The following MEF2C variants were observed in gnomAD, a reference collection of about 807,000 sequenced individuals.
MEF2C encodes the protein myocyte-specific enhancer factor 2C.
A neutral mutation model predicts 50.5 loss-of-function variants in MEF2C; 6 were observed. The observed-to-expected ratio is 0.12, with a 90% CI of 0.07 to 0.23. MEF2C has a LOEUF of 0.23. Among genes scored for constraint, MEF2C ranks in the 10% least tolerant of loss-of-function variants. MEF2C has a pLI of 1.00. For missense variants in MEF2C, 276 were observed against 605.0 expected, an observed-to-expected ratio of 0.46 and a Z score of 5.70; for synonymous variants, 183 against 228.0, an observed-to-expected ratio of 0.80 and a Z score of 1.78.
At chr5:88,846,766 G>C (rs994682772) in intron 1 of MEF2C, among the ~76,000 whole-genome samples, 1 of 152,120 alleles carries the variant, frequency 6.6e-6, no homozygotes, top group African/African-American at 2.4e-5. Flanking sequence ...TGAGGTGAGT[G>C]AATATGTTTT....
At chr5:88,825,531 A>G in intron 1 of MEF2C, 1 of 983,262 alleles carries the variant, frequency 1.0e-6, no homozygotes, top group Non-Finnish European at 1.2e-6. Context: ...AGTTATAGAA[A>G]TAACACACAT....
rs1287695713 is a variant in MEF2C, at chr5:88,717,763, T to C, written c.*4841A>G. ...GAATGTTAATAATGGATATATTTGATAGTCTCTAAAATGTATGAATTCACT... is the reference window on the plus strand; with the variant it reads ...GAATGTTAATAATGGATATATTTGACAGTCTCTAAAATGTATGAATTCACT... On this transcript the variant is annotated 3_prime_UTR_variant, in exon 11 of 11. Transcript: ENST00000504921. 5.3e-5 allele frequency: 8 copies of C among 152,348 alleles called. No homozygotes were observed. Among genetic ancestry groups the C allele is most frequent in the African/African-American group, 1.9e-4 (8 of 41,586 alleles). The allele number at this position is 152,348 out of a possible 1,614,324, so 9.4% of individuals were successfully genotyped here.
chr5:88,820,101 A>G (rs1189515031), intron 2 of MEF2C, among the ~76,000 whole-genome samples: 3 of 151,786 alleles, frequency 2.0e-5, no homozygotes, highest in African/African-American at 7.2e-5. Flanking sequence ...AGTTCTTGGC[A>G]CATAATTGGT....
chr5:88,795,157 T>C (rs925175026), intron 3 of MEF2C, among the ~76,000 whole-genome samples: 9 of 152,172 alleles, frequency 5.9e-5, no homozygotes, highest in African/African-American at 2.2e-4. Flanking sequence ...AAATTTAAAG[T>C]AGTTTTTTTC....
intron 1 of MEF2C, chr5:88,825,787 G>A (rs934026343): frequency 4.7e-6 from 1 of 211,408 alleles, no homozygotes. Flanking sequence ...ATACAAACAA[G>A]CTTTCTCTAT....
chr5:88,743,578 C>A (rs141777383), intron 6 of MEF2C: 2 of 978,262 alleles, frequency 2.0e-6, no homozygotes, highest in Admixed American at 6.2e-5. Flanking sequence ...TAAAACATTG[C>A]GTGTAAATGG....
chr5:88,777,081 A>T (rs1451056841), intron 3 of MEF2C, among the ~76,000 whole-genome samples: 1 of 152,160 alleles, frequency 6.6e-6, no homozygotes. Flanking sequence ...TAGGTATTTC[A>T]ATTTCCATAA....
At chr5:88,758,716 T>C (rs1776477363) in intron 4 of MEF2C, among the ~76,000 whole-genome samples, 1 of 152,172 alleles carries the variant, frequency 6.6e-6, no homozygotes, top group African/African-American at 2.4e-5. Flanking sequence ...TCGTGAAGAC[T>C]GAAGCACTTA....
At chr5:88,862,499 C>T (rs1004191620) in intron 1 of MEF2C, among the ~76,000 whole-genome samples, 6 of 151,978 alleles carry the variant, frequency 3.9e-5, no homozygotes, top group Admixed American at 1.3e-4. Flanking sequence ...GGTATGACAT[C>T]CCTGAAGTAC....
chr5:88,836,496 T>A (rs1402390811), intron 1 of MEF2C, among the ~76,000 whole-genome samples: 3 of 152,162 alleles, frequency 2.0e-5, no homozygotes, highest in African/African-American at 7.2e-5. Context: ...TTTTTCCACA[T>A]GTTTGGAACT....
At chr5:88,814,672 C>T (rs1359312941) in intron 2 of MEF2C, among the ~76,000 whole-genome samples, 3 of 152,022 alleles carry the variant, frequency 2.0e-5, no homozygotes, top group Admixed American at 1.3e-4. Flanking sequence ...AAGTCAACAT[C>T]CCAAATCCCA....
intron 3 of MEF2C, chr5:88,780,825 C>A (rs761042408): frequency 1.5e-4 from 147 of 985,290 alleles, no homozygotes; most frequent in Non-Finnish European, 1.7e-4. Flanking sequence ...CTTGAAATCT[C>A]AATCAACCTA....
intron 3 of MEF2C, among the ~76,000 whole-genome samples, chr5:88,803,974 T>G (rs1799362730): frequency 6.6e-6 from 1 of 152,172 alleles, no homozygotes. Flanking sequence ...TGAGCTAACA[T>G]TTAGAAATTC....
intron 2 of MEF2C, among the ~76,000 whole-genome samples, chr5:88,813,790 TA>T (rs1803993847): frequency 6.6e-6 from 1 of 152,180 alleles, no homozygotes; most frequent in South Asian, 2.1e-4. Context: ...CTTTAACTCA[TA>T]AATAGTAGTT....
intron 6 of MEF2C, chr5:88,733,462 C>T: frequency 1.0e-6 from 1 of 985,322 alleles, no homozygotes. Context: ...TCAGAAAGAT[C>T]TACTGGCATT....
chr5:88,785,843 A>G (rs1229326405), intron 3 of MEF2C, among the ~76,000 whole-genome samples: 1 of 152,140 alleles, frequency 6.6e-6, no homozygotes, highest in African/African-American at 2.4e-5. Context: ...CTATGAGGAA[A>G]AAAAAAAAAG....
At chr5:88,868,727 T>C (rs1259291098) in intron 1 of MEF2C, among the ~76,000 whole-genome samples, 2 of 152,194 alleles carry the variant, frequency 1.3e-5, no homozygotes, top group East Asian at 3.8e-4. Context: ...TGGCCTTTTA[T>C]GCCAAGAGCA....
At chr5:88,750,474 T>C (rs951796578) in intron 5 of MEF2C, among the ~76,000 whole-genome samples, 6 of 152,192 alleles carry the variant, frequency 3.9e-5, no homozygotes, top group Middle Eastern at 3.4e-3. Context: ...TCCTAAAGTG[T>C]TGAGATTACA....
intron 1 of MEF2C, among the ~76,000 whole-genome samples, chr5:88,848,962 C>A (rs1820296871): frequency 6.6e-6 from 1 of 151,872 alleles, no homozygotes; most frequent in Non-Finnish European, 1.5e-5. Flanking sequence ...ACCAGCCTGA[C>A]CAACATGGTG....
Sources: gnomAD v4.1 joint callset for allele counts (sites outside exome capture counted in the v4.1 genomes callset) on GRCh38, gnomAD v4.1.1 for gene constraint, MANE v1.5 for transcripts, NCBI Gene and HGNC (gene_info 2026-07-23, HGNC 2026-07-21) for gene names.